The following PCDH15 variants were observed in gnomAD, a reference collection of about 807,000 sequenced individuals.
PCDH15 encodes protocadherin related 15.
In PCDH15, 129 loss-of-function variants were observed where a neutral mutation model predicts 178.5. The observed-to-expected ratio is 0.72, with a 90% CI of 0.63 to 0.84. The LOEUF (loss-of-function observed/expected upper bound fraction) is 0.84. Ranked by LOEUF, PCDH15 falls within the 40% of genes least tolerant of loss-of-function variation. The pLI is 0.00. For missense variants in PCDH15, 2,230 were observed against 2,099.9 expected (o/e 1.06, Z -1.21); for synonymous variants, 800 against 732.0 (o/e 1.09, Z -1.50).
intron 1 of PCDH15, among the ~76,000 whole-genome samples, chr10:54,737,759 G>T (rs1944302920): frequency 6.6e-6 from 1 of 152,040 alleles, no homozygotes; most frequent in Non-Finnish European, 1.5e-5. Context: ...AATTTATTAG[G>T]TATGATTGAG....
chr10:54,086,411 G>A (rs1198229938), intron 16 of PCDH15, among the ~76,000 whole-genome samples: 1 of 152,122 alleles, frequency 6.6e-6, no homozygotes, highest in Non-Finnish European at 1.5e-5. Flanking sequence ...TCCAACATGA[G>A]GGATCGAATT....
chr10:54,667,805 G>A (rs979316440), intron 1 of PCDH15, among the ~76,000 whole-genome samples: 4 of 151,998 alleles, frequency 2.6e-5, no homozygotes. Flanking sequence ...TGTTATACTT[G>A]TTTTTTAAGA....
rs571461787 is a variant in PCDH15 at position 53,815,022 on chromosome 10, C to A, written c.4491+1217G>T. 5.3e-5 allele frequency among the ~76,000 whole-genome samples: 8 copies of A among 151,090 alleles called. No homozygotes were observed. The East Asian group carries it at 1.6e-3, about 29-fold the overall frequency. ...CTGACCAGTCAGATCCATGAGTCAA[C>A]CTCAACCAACAAGGGAATGCTGGCC... On this transcript the variant is annotated intron_variant, in intron 35 of 37. Coordinates refer to ENST00000644397, the MANE Select transcript of PCDH15 (RefSeq NM_001384140.1).
intron 13 of PCDH15, among the ~76,000 whole-genome samples, chr10:54,156,437 C>T (rs1364414319): frequency 6.6e-6 from 1 of 152,110 alleles, no homozygotes; most frequent in African/African-American, 2.4e-5. Context: ...TGGCGGCAGA[C>T]AAGAGAAGAG....
intron 1 of PCDH15, among the ~76,000 whole-genome samples, chr10:54,781,646 G>T (rs182568145): frequency 1.3e-5 from 2 of 151,118 alleles, no homozygotes; most frequent in Non-Finnish European, 3.0e-5. Context: ...TATGGAAAAA[G>T]GTTTTGAATA....
chr10:55,340,081 G>A (rs1844510219), intron 2 of PCDH15, among the ~76,000 whole-genome samples: 1 of 151,264 alleles, frequency 6.6e-6, no homozygotes, highest in Non-Finnish European at 1.5e-5. Context: ...TTAGTATTAA[G>A]AAGTTAATAT....
intron 8 of PCDH15, among the ~76,000 whole-genome samples, chr10:54,242,282 A>G (rs2055484597): frequency 6.7e-6 from 1 of 149,958 alleles, no homozygotes; most frequent in Non-Finnish European, 1.5e-5. Flanking sequence ...TAGATTTAAT[A>G]AAATCTCAGC....
chr10:54,056,895 A>T lies in PCDH15; in HGVS notation c.2220+9862T>A, dbSNP rs991428754. 2.6e-5 allele frequency among the ~76,000 whole-genome samples: 4 copies of T among 152,166 alleles called. No individual in the cohort carries two copies. In the East Asian group the frequency reaches 5.8e-4, roughly 22 times the overall value. ...GCATTGGGTAAATATACCCATTCCA[A>T]ATGAGAGAAATTGGCCAAAACAAAA... On this transcript the variant is annotated intron_variant, in intron 18 of 37. Coordinates refer to ENST00000644397, the MANE Select transcript of PCDH15 (RefSeq NM_001384140.1).
chr10:54,043,319 A>C (rs1373268034), intron 18 of PCDH15, among the ~76,000 whole-genome samples: 1 of 152,120 alleles, frequency 6.6e-6, no homozygotes, highest in African/African-American at 2.4e-5. Context: ...CTCCATATCC[A>C]CAGACAATGA....
chr10:53,913,563 C>A (rs1170531583), intron 25 of PCDH15, among the ~76,000 whole-genome samples: 1 of 132,840 alleles, frequency 7.5e-6, no homozygotes, highest in African/African-American at 2.8e-5. Context: ...GAAATCCCGT[C>A]TCCACTAAAA....
chr10:54,713,908 C>A (rs1020111717), intron 1 of PCDH15, among the ~76,000 whole-genome samples: 1 of 152,066 alleles, frequency 6.6e-6, no homozygotes, highest in Non-Finnish European at 1.5e-5. Context: ...TTTTATTTTG[C>A]TTTCACAGAA....
chr10:55,378,097 T>C (rs928746841), intron 2 of PCDH15, among the ~76,000 whole-genome samples: 1 of 151,996 alleles, frequency 6.6e-6, no homozygotes, highest in Non-Finnish European at 1.5e-5. Flanking sequence ...TTAGGAGAAA[T>C]ATCTAATGTA....
At chr10:54,771,649 G>T (rs1433222266) in intron 1 of PCDH15, among the ~76,000 whole-genome samples, 2 of 151,850 alleles carry the variant, frequency 1.3e-5, no homozygotes, top group Non-Finnish European at 2.9e-5. Flanking sequence ...TAACAAAATT[G>T]CCAATCCAAA....
intron 2 of PCDH15, among the ~76,000 whole-genome samples, chr10:55,097,917 C>G (rs1429326526): frequency 6.6e-6 from 1 of 151,988 alleles, no homozygotes; most frequent in African/African-American, 2.4e-5. Flanking sequence ...GTATTTACAG[C>G]ATCCTAAATA....
At chr10:54,562,858 A>T (rs934305035) in intron 2 of PCDH15, among the ~76,000 whole-genome samples, 1 of 152,110 alleles carries the variant, frequency 6.6e-6, no homozygotes, top group East Asian at 1.9e-4. Flanking sequence ...TTGTCAGTTT[A>T]GTTAGGTCAA....
intron 2 of PCDH15, among the ~76,000 whole-genome samples, chr10:54,953,646 T>G (rs2131877007): frequency 6.6e-6 from 1 of 151,450 alleles, no homozygotes; most frequent in South Asian, 2.1e-4. Context: ...TAGTCTAAAA[T>G]TATTCTAATA....
At chr10:55,473,032 G>T (rs1839995395) in intron 2 of PCDH15, among the ~76,000 whole-genome samples, 3 of 152,164 alleles carry the variant, frequency 2.0e-5, no homozygotes. Context: ...CAACATTAGA[G>T]TGGAATGTCC....
At chr10:55,433,160 G>A (rs1203643016) in intron 2 of PCDH15, among the ~76,000 whole-genome samples, 1 of 152,084 alleles carries the variant, frequency 6.6e-6, no homozygotes, top group Non-Finnish European at 1.5e-5. Flanking sequence ...TATATTCATT[G>A]CAGTACTATT....
chr10:54,948,905 G>A (rs1353669596), intron 2 of PCDH15, among the ~76,000 whole-genome samples: 5 of 151,790 alleles, frequency 3.3e-5, no homozygotes, highest in Admixed American at 2.0e-4. Context: ...CAATCAAGTT[G>A]TTACATAATC....
Sources: gnomAD v4.1 joint callset for allele counts (sites outside exome capture counted in the v4.1 genomes callset) on GRCh38, gnomAD v4.1.1 for gene constraint, MANE v1.5 for transcripts, NCBI Gene and HGNC (gene_info 2026-07-23, HGNC 2026-07-21) for gene names.